Variants in DNALI1 observed in about 807,000 individuals in gnomAD.
DNALI1 encodes the protein axonemal dynein light intermediate polypeptide 1.
DNALI1 carries 31 observed loss-of-function variants against 33.9 expected under a neutral mutation model. The observed-to-expected ratio is 0.91, with a 90% confidence interval of 0.69 to 1.23. The LOEUF is 1.23. Among genes scored for constraint, DNALI1 ranks in the 50% most tolerant of loss-of-function variants. The probability of loss-of-function intolerance (pLI) is 0.00; values close to 1 mark genes in which losing one functional copy is unlikely to be tolerated. For synonymous variants in DNALI1, 117 were observed against 129.2 expected (o/e 0.91, Z 0.64); for missense variants, 305 against 323.8 (o/e 0.94, Z 0.44).
In DNALI1 at chr1:37,566,730, G is replaced by A; in HGVS notation, c.*1669G>A. On this transcript the variant is annotated 3_prime_UTR_variant, in exon 6 of 6. Transcript: ENST00000652629. Reference sequence around the variant, plus strand: ...GAGGCTTTATTTCCCTAGCACTGGTGAAGGGCTTCAACTGTCAAACCTCAG... The same window carrying A: ...GAGGCTTTATTTCCCTAGCACTGGTAAAGGGCTTCAACTGTCAAACCTCAG... 2 of 847,808 alleles carry A rather than the reference G, an allele frequency of 2.4e-6. No individual in the cohort carries two copies. The highest frequency in any genetic ancestry group is 3.3e-5 in the South Asian group (2 of 60,216). The allele number at this position is 847,808 out of a possible 1,614,324, so 52.5% of individuals were successfully genotyped here. A position where few individuals can be genotyped will look rare whatever the true frequency, so the allele number is the denominator to read the frequency against.
rs1464360941 is a variant in DNALI1 at position 37,565,639 on chromosome 1, C to T, written c.*578C>T. On this transcript the variant is annotated 3_prime_UTR_variant, in exon 6 of 6. Transcript: ENST00000652629. ...GTTTCAGACTGCCTACATTAGGAAACAATGGCAGTCAAACCCATGGCTTTG... is the reference window on the plus strand; with the variant it reads ...GTTTCAGACTGCCTACATTAGGAAATAATGGCAGTCAAACCCATGGCTTTG... 1.3e-5 allele frequency: 2 copies of T among 152,826 alleles called. No homozygotes were observed. Among genetic ancestry groups the T allele is most frequent in the Admixed American group, 1.3e-4 (2 of 15,358 alleles). 9.5% of individuals were successfully genotyped at this position (152,826 alleles called of 1,614,324 possible). A position where few individuals can be genotyped will look rare whatever the true frequency, so the allele number is the denominator to read the frequency against.
rs1274708485 is a variant in DNALI1, at chr1:37,559,241, G to A, written c.228-86G>A. On this transcript the variant is annotated intron_variant, in intron 2 of 5. Transcript: ENST00000652629. This position sits in a 1 kb window ranked among gnomAD's most constrained non-coding sequence, Gnocchi z 5.3. ...CAAAGCTGCCCCTCACCACTACTCA[G>A]GCAGAGGGCTCAAAGGGCCCTCTGC... 5 of 1,398,784 alleles carry A rather than the reference G, an allele frequency of 3.6e-6. No individual in the cohort carries two copies. Among genetic ancestry groups the A allele is most frequent in the East Asian group, 2.6e-5 (1 of 38,952 alleles). The allele number at this position is 1,398,784 out of a possible 1,614,324, so 86.6% of individuals were successfully genotyped here.
In DNALI1 at chr1:37,561,814, C is replaced by T; in HGVS notation, c.576+79C>T. ...CCACATGCTTATCATTCCAGCACTA[C>T]ATTCTGACCTCCTAAGGTGCTCTGC... On this transcript the variant is annotated intron_variant, in intron 4 of 5. Transcript: ENST00000652629. The surrounding 1 kb of genome is among the most constrained non-coding windows in gnomAD (Gnocchi z 4.6). 3 of 1,523,296 alleles carry T rather than the reference C, an allele frequency of 2.0e-6. No individual in the cohort carries two copies. Among genetic ancestry groups the T allele is most frequent in the South Asian group, 1.3e-5 (1 of 79,402 alleles). 94.4% of individuals were successfully genotyped at this position (1,523,296 alleles called of 1,614,324 possible).
intron 3 of DNALI1, among the ~76,000 whole-genome samples, chr1:37,560,379 A>G (rs1261013767): frequency 1.3e-5 from 2 of 152,186 alleles, no homozygotes; most frequent in East Asian, 3.8e-4. Context: ...TCTGCAGTGC[A>G]TTGTGCCCCT....
Position 37,562,030 on chromosome 1 carries a change from C to T in DNALI1, c.577-51C>T. The T allele has an allele frequency of 6.2e-7, 1 of 1,611,362 alleles. No homozygotes were observed. The highest frequency in any genetic ancestry group is 1.7e-5 in the Admixed American group (1 of 59,942). On this transcript the variant is annotated intron_variant, in intron 4 of 5. Transcript: ENST00000652629. This position sits in a 1 kb window ranked among gnomAD's most constrained non-coding sequence, Gnocchi z 5.8. ...ATGTCCCTTCCACCCAGGCTCACAC[C>T]ATTCCATTCACCTGGCGACATCCCA...
chr1:37,564,746 A>C (rs889632857), intron 5 of DNALI1, among the ~76,000 whole-genome samples: 2 of 152,172 alleles, frequency 1.3e-5, no homozygotes, highest in Non-Finnish European at 2.9e-5. Flanking sequence ...AAAAGCCCTT[A>C]CAACAATGCA....
rs1643499266 is a variant in DNALI1, at chr1:37,566,291, T to A, written c.*1230T>A. The A allele has an allele frequency of 6.5e-6, 1 of 152,774 alleles. No homozygotes were observed. The highest frequency in any genetic ancestry group is 6.5e-5 in the Admixed American group (1 of 15,330). 9.5% of individuals were successfully genotyped at this position (152,774 alleles called of 1,614,324 possible). Reference sequence around the variant, plus strand: ...GAGGAATTTTAAGCCTCCACTCAAATGACCTGCCTGTGTTGTCATTTCCAT... The same window carrying A: ...GAGGAATTTTAAGCCTCCACTCAAAAGACCTGCCTGTGTTGTCATTTCCAT... On this transcript the variant is annotated 3_prime_UTR_variant, in exon 6 of 6. Coordinates refer to ENST00000652629, the MANE Select transcript of DNALI1 (RefSeq NM_003462.5).
In DNALI1 at chr1:37,561,721, G is replaced by A. The variant is rs1490196908; in HGVS notation, c.562G>A (p.Asp188Asn). 1.2e-6 allele frequency: 2 copies of A among 1,613,702 alleles called. No homozygotes were observed. Among genetic ancestry groups the A allele is most frequent in the East Asian group, 2.2e-5 (1 of 44,864 alleles). ...ACTGCAGGCTGAGCAGGGGAAGTCAGACATGGAGAGGAAAGTGAGTGGGGT... is the reference window on the plus strand; with the variant it reads ...ACTGCAGGCTGAGCAGGGGAAGTCAAACATGGAGAGGAAAGTGAGTGGGGT... ...KALQAEQGKS[D>N]MERKIAELET... The change falls in exon 4 of 6, where the codon GAC becomes AAC. Residue 188 changes from aspartate (D) to asparagine (N), a missense_variant. Coordinates refer to ENST00000652629, the MANE Select transcript of DNALI1 (RefSeq NM_003462.5). This position sits in a 1 kb window ranked among gnomAD's most constrained non-coding sequence, Gnocchi z 4.6.
chr1:37,557,950 G>C, intron 2 of DNALI1: 1 of 649,630 alleles, frequency 1.5e-6, no homozygotes, highest in Non-Finnish European at 2.5e-6. Flanking sequence ...CCTGCATGCT[G>C]TCACCCAATC....
intron 5 of DNALI1, among the ~76,000 whole-genome samples, chr1:37,564,065 T>G (rs554636118): frequency 6.6e-6 from 1 of 151,900 alleles, no homozygotes; most frequent in East Asian, 2.0e-4. Context: ...GAAACCCATT[T>G]CTACTAAAAA....
Position 37,561,802 on chromosome 1 carries a change from A to G in DNALI1, c.576+67A>G. On this transcript the variant is annotated intron_variant, in intron 4 of 5. Coordinates refer to ENST00000652629, the MANE Select transcript of DNALI1 (RefSeq NM_003462.5). The surrounding 1 kb of genome is among the most constrained non-coding windows in gnomAD (Gnocchi z 4.6). ...TAAACCTCAGGGCCACATGCTTATC[A>G]TTCCAGCACTACATTCTGACCTCCT... 6 of 1,550,200 alleles carry G rather than the reference A, an allele frequency of 3.9e-6. No individual in the cohort carries two copies. Among genetic ancestry groups the G allele is most frequent in the Non-Finnish European group, 5.3e-6 (6 of 1,141,300 alleles).
Position 37,565,022 on chromosome 1 carries a change from T to C in DNALI1, c.742-4T>C. The C allele has an allele frequency of 6.2e-7, 1 of 1,614,190 alleles. No individual in the cohort carries two copies. Among genetic ancestry groups the C allele is most frequent in the Non-Finnish European group, 8.5e-7 (1 of 1,180,024 alleles). On this transcript the variant is annotated splice_region_variant and splice_polypyrimidine_tract_variant and intron_variant, in intron 5 of 5. Coordinates refer to ENST00000652629, the MANE Select transcript of DNALI1 (RefSeq NM_003462.5). ...TATTAATGGAGCTTGTTTTTGTTTT[T>C]CAGGCCCAACTGGAAGGCATTATTG...
intron 3 of DNALI1, among the ~76,000 whole-genome samples, chr1:37,560,128 A>G (rs2148122157): frequency 6.6e-6 from 1 of 152,326 alleles, no homozygotes; most frequent in African/African-American, 2.4e-5. Context: ...CAAACGTACA[A>G]TCAGGTTTTA....
rs1231359033 is a variant in DNALI1 at position 37,559,112 on chromosome 1, T to C, written c.228-215T>C. 6.6e-6 allele frequency among the ~76,000 whole-genome samples: 1 copy of C among 152,198 alleles called. No individual in the cohort carries two copies. The highest frequency in any genetic ancestry group is 2.4e-5 in the African/African-American group (1 of 41,462). The stretch of plus-strand genomic sequence containing the variant: ...AGAGGCCCGTTGCCAAGGTGGAAAT[T>C]GTCTACCACCTACCCATTCCCAAGA... On this transcript the variant is annotated intron_variant, in intron 2 of 5. Transcript: ENST00000652629. This position sits in a 1 kb window ranked among gnomAD's most constrained non-coding sequence, Gnocchi z 5.3.
Position 37,561,840 on chromosome 1 carries a change from T to C in DNALI1, c.576+105T>C. The C allele has an allele frequency of 4.1e-6, 6 of 1,464,392 alleles. No individual in the cohort carries two copies. The South Asian group carries it at 6.7e-5, about 16-fold the overall frequency. 90.7% of individuals were successfully genotyped at this position (1,464,392 alleles called of 1,614,324 possible). On this transcript the variant is annotated intron_variant, in intron 4 of 5. Coordinates refer to ENST00000652629, the MANE Select transcript of DNALI1 (RefSeq NM_003462.5). This position sits in a 1 kb window ranked among gnomAD's most constrained non-coding sequence, Gnocchi z 4.6. ...ATTCTGACCTCCTAAGGTGCTCTGC[T>C]GACAGTCACGACACCTGGACTTGCA...
At position 37,559,127 on chromosome 1, in the gene DNALI1, C is replaced by T. The variant is rs1381277552; in HGVS notation, c.228-200C>T. ...AGGTGGAAATTGTCTACCACCTACC[C>T]ATTCCCAAGATCCCTGTGGAGGCAG... On this transcript the variant is annotated intron_variant, in intron 2 of 5. Coordinates refer to ENST00000652629, the MANE Select transcript of DNALI1 (RefSeq NM_003462.5). The surrounding 1 kb of genome is among the most constrained non-coding windows in gnomAD (Gnocchi z 5.3). Among the ~76,000 whole-genome samples, 1 of 152,206 alleles carries T rather than the reference C, an allele frequency of 6.6e-6. No homozygotes were observed. The highest frequency in any genetic ancestry group is 2.4e-5 in the African/African-American group (1 of 41,450).
intron 5 of DNALI1, among the ~76,000 whole-genome samples, chr1:37,563,157 A>C (rs1643459926): frequency 6.6e-6 from 1 of 152,230 alleles, no homozygotes; most frequent in Admixed American, 6.5e-5. Context: ...GCTCAGATAG[A>C]AACCTTACAA....
rs1287454886 is a variant in DNALI1 at position 37,562,159 on chromosome 1, A to G, written c.655A>G (p.Lys219Glu). 3 of 1,613,950 alleles carry G rather than the reference A, an allele frequency of 1.9e-6. No individual in the cohort carries two copies. The highest frequency in any genetic ancestry group is 1.3e-5 in the African/African-American group (1 of 74,900). Residue 219 changes from lysine to glutamate, a missense_variant, in exon 5 of 6, where the codon AAG (lysine) becomes GAG (glutamate). Coordinates refer to ENST00000652629, the MANE Select transcript of DNALI1 (RefSeq NM_003462.5). The surrounding 1 kb of genome is among the most constrained non-coding windows in gnomAD (Gnocchi z 5.8). ...EQKAKCEATE[K>E]RESERRQVEE... ...GAAGGCAAAATGTGAAGCCACTGAG[A>G]AGCGGGAGAGCGAGAGGCGGCAGGT...
rs1348734563 is a variant in DNALI1, at chr1:37,562,543, C to G, written c.741+298C>G. Among the ~76,000 whole-genome samples the G allele has an allele frequency of 6.6e-6, 1 of 152,138 alleles. No individual in the cohort carries two copies. The highest frequency in any genetic ancestry group is 1.5e-5 in the Non-Finnish European group (1 of 68,034). ...ATATGGCAAAAAGTGGAACTCCATT[C>G]CCCTGGAAGCTGGTATGTTGGAGCC... On this transcript the variant is annotated intron_variant, in intron 5 of 5. Transcript: ENST00000652629. This position sits in a 1 kb window ranked among gnomAD's most constrained non-coding sequence, Gnocchi z 5.8.
Sources: gnomAD v4.1 joint callset for allele counts (sites outside exome capture counted in the v4.1 genomes callset) on GRCh38, gnomAD v4.1.1 for gene constraint, Gnocchi (gnomAD v3.1) non-coding constraint, MANE v1.5 for transcripts, NCBI Gene and HGNC (gene_info 2026-07-23, HGNC 2026-07-21) for gene names.